The following SYNPR variants were observed in gnomAD, a reference collection of about 807,000 sequenced individuals.
SYNPR encodes the protein synaptoporin.
Under a neutral mutation model 32.9 loss-of-function variants are expected in SYNPR, and 23 were observed. The ratio of observed to expected loss-of-function variants is 0.70; its 90% CI spans 0.50 to 0.99. The LOEUF is 0.99. Among genes scored for constraint, SYNPR ranks in the 50% least tolerant of loss-of-function variants. SYNPR has a pLI of 0.00. For synonymous variants in SYNPR, 146 were observed against 135.9 expected, an observed-to-expected ratio of 1.07 and a Z score of -0.52; for missense variants, 318 against 349.3, an observed-to-expected ratio of 0.91 and a Z score of 0.71.
At chr3:63,286,467 G>A (rs967562100) in intron 2 of SYNPR, among the ~76,000 whole-genome samples, 3 of 152,212 alleles carry the variant, frequency 2.0e-5, no homozygotes, top group Non-Finnish European at 4.4e-5. Context: ...AGGTGCTCCA[G>A]GCCCTTGGGT....
intron 2 of SYNPR, among the ~76,000 whole-genome samples, chr3:63,361,817 T>C (rs185977153): frequency 9.2e-5 from 14 of 151,486 alleles, no homozygotes; most frequent in African/African-American, 1.2e-4. Flanking sequence ...TCTACACACA[T>C]ATATATATAT....
chr3:63,553,968 C>A (rs1236503879), intron 3 of SYNPR, among the ~76,000 whole-genome samples: 1 of 152,076 alleles, frequency 6.6e-6, no homozygotes, highest in East Asian at 1.9e-4. Context: ...TGATCCACCC[C>A]GTCTTGGCCT....
intron 2 of SYNPR, among the ~76,000 whole-genome samples, chr3:63,341,727 T>C (rs2087372648): frequency 6.6e-6 from 1 of 152,242 alleles, no homozygotes; most frequent in South Asian, 2.1e-4. Flanking sequence ...GAGTTCTTTA[T>C]GTATCTTGGA....
intron 2 of SYNPR, among the ~76,000 whole-genome samples, chr3:63,424,355 T>C (rs1699855435): frequency 6.6e-6 from 1 of 152,134 alleles, no homozygotes; most frequent in Non-Finnish European, 1.5e-5. Flanking sequence ...ATTTTGAAGG[T>C]AGGCCAGTCT....
chr3:63,595,829 ATAGT>A (rs1262225504), intron 4 of SYNPR, among the ~76,000 whole-genome samples: 2 of 60,910 alleles, frequency 3.3e-5, no homozygotes, highest in Non-Finnish European at 6.0e-5. Flanking sequence ...TTATATATAT[ATAGT>A]TATATATATA....
chr3:63,506,293 T>C (rs1701586774), intron 3 of SYNPR, among the ~76,000 whole-genome samples: 2 of 152,192 alleles, frequency 1.3e-5, no homozygotes, highest in African/African-American at 2.4e-5. Flanking sequence ...ATGGAGTACA[T>C]ATGCTTCTTT....
In SYNPR at chr3:63,494,004, T is replaced by C. The variant is rs376761419; in HGVS notation, c.209+13048T>C. ...AGCTTTGATTTCCAATAGACTGATATGTTGTGTTTTAACATTGATTGATTT... is the reference window on the plus strand; with the variant it reads ...AGCTTTGATTTCCAATAGACTGATACGTTGTGTTTTAACATTGATTGATTT... On this transcript the variant is annotated intron_variant, in intron 3 of 5. Transcript: ENST00000478300. 2.6e-5 allele frequency among the ~76,000 whole-genome samples: 4 copies of C among 152,016 alleles called. No homozygotes were observed. In the East Asian group the frequency reaches 7.7e-4, roughly 29 times the overall value.
chr3:63,256,948 C>G (rs1188139592), intron 2 of SYNPR, among the ~76,000 whole-genome samples: 1 of 152,038 alleles, frequency 6.6e-6, no homozygotes, highest in Non-Finnish European at 1.5e-5. Context: ...CCAATTCGAT[C>G]AACTGGAAGA....
At chr3:63,262,034 A>T (rs1400410447) in intron 2 of SYNPR, among the ~76,000 whole-genome samples, 2 of 152,320 alleles carry the variant, frequency 1.3e-5, no homozygotes, top group African/African-American at 4.8e-5. Flanking sequence ...TAATAAAAAA[A>T]AAAACAAACT....
intron 4 of SYNPR, among the ~76,000 whole-genome samples, chr3:63,584,999 AT>A (rs1445421847): frequency 6.6e-6 from 1 of 152,138 alleles, no homozygotes; most frequent in Non-Finnish European, 1.5e-5. Flanking sequence ...TTTGTCGTGC[AT>A]AAAGTTGAAG....
chr3:63,369,833 A>G (rs1258998202), intron 2 of SYNPR, among the ~76,000 whole-genome samples: 2 of 152,104 alleles, frequency 1.3e-5, no homozygotes, highest in Admixed American at 1.3e-4. Flanking sequence ...GACTCCCTTT[A>G]TGTTTCCTTA....
chr3:63,308,576 T>C (rs1418510644), intron 2 of SYNPR, among the ~76,000 whole-genome samples: 1 of 151,958 alleles, frequency 6.6e-6, no homozygotes, highest in Non-Finnish European at 1.5e-5. Context: ...GAAATTTTTG[T>C]TGGGTATCAA....
At chr3:63,489,969 A>G (rs1701229184) in intron 3 of SYNPR, among the ~76,000 whole-genome samples, 1 of 152,174 alleles carries the variant, frequency 6.6e-6, no homozygotes, top group African/African-American at 2.4e-5. Context: ...GAGACACCAA[A>G]GAGGCAGGGA....
chr3:63,551,043 C>T (rs1370523176), intron 3 of SYNPR, among the ~76,000 whole-genome samples: 3 of 152,280 alleles, frequency 2.0e-5, no homozygotes, highest in South Asian at 2.1e-4. Context: ...AATTCACATA[C>T]CATACAATTT....
chr3:63,436,786 ATG>A (rs1700092224), intron 2 of SYNPR, among the ~76,000 whole-genome samples: 1 of 152,192 alleles, frequency 6.6e-6, no homozygotes, highest in Non-Finnish European at 1.5e-5. Flanking sequence ...GCCTCAAGCC[ATG>A]TGCCTCAATC....
At chr3:63,509,954 T>C (rs1701664852) in intron 3 of SYNPR, among the ~76,000 whole-genome samples, 1 of 132,140 alleles carries the variant, frequency 7.6e-6, no homozygotes. Context: ...CCTTTCTTTC[T>C]TCTTTGCTTC....
chr3:63,301,635 A>G (rs2086858887), intron 2 of SYNPR, among the ~76,000 whole-genome samples: 1 of 151,092 alleles, frequency 6.6e-6, no homozygotes. Context: ...TCTTCTGAAA[A>G]TGACATATTA....
At chr3:63,474,433 G>A (rs1399845238) in intron 2 of SYNPR, among the ~76,000 whole-genome samples, 1 of 152,214 alleles carries the variant, frequency 6.6e-6, no homozygotes, top group Non-Finnish European at 1.5e-5. Flanking sequence ...AAGTGAGTAA[G>A]TAATTGAGTG....
chr3:63,444,726 C>T (rs879235448), intron 2 of SYNPR, among the ~76,000 whole-genome samples: 5 of 152,030 alleles, frequency 3.3e-5, no homozygotes, highest in African/African-American at 4.8e-5. Flanking sequence ...CCCTTTTGGA[C>T]GTGCCACGAC....
Sources: gnomAD v4.1 joint callset for allele counts (sites outside exome capture counted in the v4.1 genomes callset) on GRCh38, gnomAD v4.1.1 for gene constraint, MANE v1.5 for transcripts, NCBI Gene and HGNC (gene_info 2026-07-23, HGNC 2026-07-21) for gene names.